Variants in OR9Q1 observed in about 807,000 individuals in gnomAD.
OR9Q1 encodes the protein olfactory receptor 9Q1.
For synonymous variants in OR9Q1, 153 were observed against 148.6 expected, an observed-to-expected ratio of 1.03 and a Z score of -0.22; for missense variants, 374 against 378.8, an observed-to-expected ratio of 0.99 and a Z score of 0.11.
chr11:58,126,279 T>C (rs1370782111), intron 2 of OR9Q1, among the ~76,000 whole-genome samples: 1 of 152,212 alleles, frequency 6.6e-6, no homozygotes, highest in Non-Finnish European at 1.5e-5. Context: ...TAGTTATTCT[T>C]TAGTGAATAG....
intron 2 of OR9Q1, among the ~76,000 whole-genome samples, chr11:58,104,861 A>G (rs1295223356): frequency 6.6e-6 from 1 of 152,212 alleles, no homozygotes; most frequent in Non-Finnish European, 1.5e-5. Context: ...GAATGGCTAC[A>G]TGAAGCAGAT....
chr11:58,177,490 ATAAT>A (rs1258533176), intron 2 of OR9Q1, among the ~76,000 whole-genome samples: 1 of 152,218 alleles, frequency 6.6e-6, no homozygotes, highest in African/African-American at 2.4e-5. Flanking sequence ...TAATATATAA[ATAAT>A]TTAGAATAGT....
chr11:58,144,203 G>A (rs953187081), intron 2 of OR9Q1, among the ~76,000 whole-genome samples: 6 of 101,860 alleles, frequency 5.9e-5, no homozygotes, highest in African/African-American at 1.6e-4. Context: ...AACAGTCCCC[G>A]GTGTGTGATG....
At chr11:58,166,242 A>G (rs1854503330) in intron 2 of OR9Q1, among the ~76,000 whole-genome samples, 1 of 152,200 alleles carries the variant, frequency 6.6e-6, no homozygotes, top group South Asian at 2.1e-4. Context: ...AAAATAACAC[A>G]TTTTTGTTAC....
chr11:58,077,510 A>G (rs1268421627), intron 2 of OR9Q1: 2 of 152,170 alleles, frequency 1.3e-5, no homozygotes, highest in African/African-American at 2.4e-5. Context: ...GGTACTTCAC[A>G]TGTCTGAAGA....
intron 1 of OR9Q1, among the ~76,000 whole-genome samples, chr11:58,025,863 C>T (rs1852968638): frequency 6.6e-6 from 1 of 152,234 alleles, no homozygotes; most frequent in Non-Finnish European, 1.5e-5. Context: ...TACCTACTTC[C>T]ACCTGTCTCT....
intron 2 of OR9Q1, among the ~76,000 whole-genome samples, chr11:58,121,452 C>T (rs1240968933): frequency 1.3e-5 from 2 of 152,188 alleles, no homozygotes; most frequent in African/African-American, 4.8e-5. Flanking sequence ...AACAATCCTA[C>T]TGGACAGGTG....
chr11:58,147,508 G>A (rs972213981), intron 2 of OR9Q1, among the ~76,000 whole-genome samples: 3 of 152,250 alleles, frequency 2.0e-5, no homozygotes, highest in African/African-American at 7.2e-5. Context: ...GACAGTGGGG[G>A]TTTGCTATTT....
intron 1 of OR9Q1, among the ~76,000 whole-genome samples, chr11:58,053,533 G>A: frequency 7.0e-6 from 1 of 142,904 alleles, no homozygotes; most frequent in Admixed American, 7.2e-5. Context: ...CACCAGCATG[G>A]CACATGTATA....
chr11:58,063,693 A>G (rs1853401508), intron 2 of OR9Q1, among the ~76,000 whole-genome samples: 1 of 150,116 alleles, frequency 6.7e-6, no homozygotes, highest in Non-Finnish European at 1.5e-5. Flanking sequence ...TTACAAGGGA[A>G]GATATTTAAT....
chr11:58,054,325 A>G (rs1050665166), intron 1 of OR9Q1, among the ~76,000 whole-genome samples: 1 of 152,092 alleles, frequency 6.6e-6, no homozygotes, highest in African/African-American at 2.4e-5. Context: ...TTAAGAAGAC[A>G]TTTGAGGTTC....
At chr11:58,111,177 G>A (rs1853895928) in intron 2 of OR9Q1, among the ~76,000 whole-genome samples, 1 of 152,128 alleles carries the variant, frequency 6.6e-6, no homozygotes, top group Non-Finnish European at 1.5e-5. Flanking sequence ...GTGTTAGCAT[G>A]GGCAAGGACA....
At chr11:58,130,723 G>T (rs2119841050) in intron 2 of OR9Q1, among the ~76,000 whole-genome samples, 1 of 151,804 alleles carries the variant, frequency 6.6e-6, no homozygotes, top group East Asian at 1.9e-4. Context: ...TTAAGTGGGA[G>T]AATAGCTTGA....
At chr11:58,139,650 AT>A (rs1486995347) in intron 2 of OR9Q1, among the ~76,000 whole-genome samples, 2 of 152,038 alleles carry the variant, frequency 1.3e-5, no homozygotes, top group African/African-American at 2.4e-5. Context: ...TCCATGGTGT[AT>A]ATGTGCCACA....
chr11:58,151,687 C>T (rs1854353086), intron 2 of OR9Q1, among the ~76,000 whole-genome samples: 3 of 152,098 alleles, frequency 2.0e-5, no homozygotes, highest in Non-Finnish European at 4.4e-5. Flanking sequence ...AGTATGTGTA[C>T]ACAACCAGTC....
rs1248262165 is a variant in OR9Q1, at chr11:58,037,653, CTATATATATATATATA to C, written c.-93+13571_-93+13586del. 1.6e-4 allele frequency among the ~76,000 whole-genome samples: 6 copies of C among 37,430 alleles called. No homozygotes were observed. The East Asian group carries it at 2.3e-3, about 14-fold the overall frequency. The allele number at this position is 37,430 out of a possible 152,430, so 24.6% of individuals were successfully genotyped here. A position where few individuals can be genotyped will look rare whatever the true frequency, so the allele number is the denominator to read the frequency against. ...CCATTTTGAGCTTCTTAAAGAATAA[CTATATATATATATATA>C]TATATATATATATATATATATTTTT... On this transcript the variant is annotated intron_variant, in intron 1 of 2. Transcript: ENST00000335397.
At chr11:58,168,889 A>G (rs1854530021) in intron 2 of OR9Q1, among the ~76,000 whole-genome samples, 1 of 152,142 alleles carries the variant, frequency 6.6e-6, no homozygotes, top group South Asian at 2.1e-4. Context: ...AATGTCAATT[A>G]TTTTTAAATA....
chr11:58,069,845 G>A (rs1383782407), intron 2 of OR9Q1, among the ~76,000 whole-genome samples: 1 of 151,728 alleles, frequency 6.6e-6, no homozygotes, highest in Non-Finnish European at 1.5e-5. Flanking sequence ...ATTCCAGCCT[G>A]TGTGACAGAG....
Position 58,179,886 on chromosome 11 carries a change from G to T in OR9Q1, c.442G>T (p.Ala148Ser), listed in dbSNP as rs1244443054. The change falls in exon 3 of 3, where the codon GCT becomes TCT. Residue 148 changes from alanine to serine, a missense_variant. By Grantham distance (99) the Ala-to-Ser change is moderately conservative. Coordinates refer to ENST00000335397, the MANE Select transcript of OR9Q1 (RefSeq NM_001005212.4). Reference protein sequence around the residue: ...QQARLSLVAGAYVAGLISALV... With the variant: ...QQARLSLVAGSYVAGLISALV... ...GGCCCGCTTGAGTCTTGTGGCTGGG[G>T]CTTACGTTGCTGGTCTCATCAGTGC... 1 of 1,614,186 alleles carries T rather than the reference G, an allele frequency of 6.2e-7. No individual in the cohort carries two copies. Among genetic ancestry groups the T allele is most frequent in the Non-Finnish European group, 8.5e-7 (1 of 1,180,042 alleles).
Sources: gnomAD v4.1 joint callset for allele counts (sites outside exome capture counted in the v4.1 genomes callset) on GRCh38, gnomAD v4.1.1 for gene constraint, MANE v1.5 for transcripts, NCBI Gene and HGNC (gene_info 2026-07-23, HGNC 2026-07-21) for gene names.